The following RBFOX1 variants were observed in gnomAD, a reference collection of about 807,000 sequenced individuals.
RBFOX1 encodes the protein RNA binding fox-1 homolog 1, also known as RNA binding protein fox-1 homolog 1.
In RBFOX1, 8 loss-of-function variants were observed where a neutral mutation model predicts 57.7. That is an observed-to-expected ratio of 0.14 (90% CI 0.08 to 0.25). The LOEUF (loss-of-function observed/expected upper bound fraction) is 0.25, where lower values mean the gene tolerates loss of function less well. RBFOX1 is among the 10% of genes least tolerant of loss of function. The pLI is 1.00. For synonymous variants in RBFOX1, 326 were observed against 222.4 expected (o/e 1.47, Z -4.15); for missense variants, 611 against 548.5 (o/e 1.11, Z -1.14).
chr16:6,623,750 C>A (rs1246635223), intron 2 of RBFOX1, among the ~76,000 whole-genome samples: 1 of 152,106 alleles, frequency 6.6e-6, no homozygotes, highest in Non-Finnish European at 1.5e-5. Flanking sequence ...CAGCTTCATC[C>A]ATGTCCCTAC....
intron 3 of RBFOX1, among the ~76,000 whole-genome samples, chr16:5,816,019 G>A (rs902369343): frequency 1.3e-5 from 2 of 152,180 alleles, no homozygotes; most frequent in Non-Finnish European, 2.9e-5. Flanking sequence ...GGGTTGAGAG[G>A]GGCCCAGTAA....
intron 3 of RBFOX1, among the ~76,000 whole-genome samples, chr16:7,034,316 A>T (rs191890073): frequency 6.6e-6 from 1 of 152,168 alleles, no homozygotes; most frequent in African/African-American, 2.4e-5. Flanking sequence ...TCACTGTAGG[A>T]TGAAGGCAGA....
intron 15 of RBFOX1, 73 bp from the exon 16 acceptor site, chr16:7,710,550 T>C (rs2083855954): frequency 6.3e-7 from 1 of 1,591,648 alleles, no homozygotes; most frequent in African/African-American, 1.4e-5. Flanking sequence ...TTTTTCACAT[T>C]AGTCTTTTTG....
chr16:5,337,589 T>A (rs915511704), intron 1 of RBFOX1, among the ~76,000 whole-genome samples: 1 of 152,254 alleles, frequency 6.6e-6, no homozygotes, highest in African/African-American at 2.4e-5. Flanking sequence ...ATAAATGTTT[T>A]TAAAAATAAA....
chr16:7,197,998 C>CTTTCTTT (rs61556349), intron 4 of RBFOX1, among the ~76,000 whole-genome samples: 9 of 55,594 alleles, frequency 1.6e-4, no homozygotes, highest in Admixed American at 5.4e-4. Context: ...TTCTTTCTTT[C>CTTTCTTT]TTTTTTTTTT....
At chr16:6,032,144 G>T (rs1459682973) in intron 1 of RBFOX1, among the ~76,000 whole-genome samples, 1 of 151,670 alleles carries the variant, frequency 6.6e-6, no homozygotes, top group Non-Finnish European at 1.5e-5. Flanking sequence ...TTTTATCCGT[G>T]CTTTCAATTC....
intron 4 of RBFOX1, among the ~76,000 whole-genome samples, chr16:7,450,544 A>G (rs1458016234): frequency 1.3e-5 from 2 of 152,246 alleles, no homozygotes; most frequent in East Asian, 1.9e-4. Flanking sequence ...ACAGATGAAG[A>G]TACTATGGCC....
chr16:7,577,992 G>A (rs11077199), intron 5 of RBFOX1, among the ~76,000 whole-genome samples: 45,941 of 152,202 alleles, frequency 0.3, 8,623 homozygotes, highest in East Asian at 0.53. Context: ...CATGTGACAA[G>A]GAGGGCTGAT....
At chr16:6,514,153 GC>G (rs1388535380) in intron 2 of RBFOX1, among the ~76,000 whole-genome samples, 6 of 152,104 alleles carry the variant, frequency 3.9e-5, no homozygotes, top group African/African-American at 1.4e-4. Flanking sequence ...TCCATCCAGT[GC>G]TCTTTCTGCT....
intron 1 of RBFOX1, chr16:5,366,105 G>C (rs1483659643): frequency 4.3e-6 from 2 of 463,280 alleles, no homozygotes; most frequent in African/African-American, 4.0e-5. Flanking sequence ...GTTGAAGTGT[G>C]GTTCAGGGCG....
intron 4 of RBFOX1, among the ~76,000 whole-genome samples, chr16:7,320,944 G>T (rs187846189): frequency 1.8e-4 from 28 of 152,192 alleles, no homozygotes; most frequent in Non-Finnish European, 3.5e-4. Context: ...CCCAAATTTG[G>T]ACCCAAACTT....
At chr16:7,310,005 C>G (rs1482164246) in intron 4 of RBFOX1, among the ~76,000 whole-genome samples, 2 of 152,224 alleles carry the variant, frequency 1.3e-5, no homozygotes, top group African/African-American at 4.8e-5. Flanking sequence ...CAAGAGAACT[C>G]TGCCGGGCTG....
chr16:6,016,227 G>C (rs906357977), upstream of RBFOX1, among the ~76,000 whole-genome samples: 3 of 152,198 alleles, frequency 2.0e-5, no homozygotes, highest in African/African-American at 4.8e-5. Flanking sequence ...GGAGGTGTTA[G>C]AGGAGTTCGC....
At chr16:7,207,195 G>A (rs556235365) in intron 4 of RBFOX1, among the ~76,000 whole-genome samples, 1 of 152,146 alleles carries the variant, frequency 6.6e-6, no homozygotes, top group African/African-American at 2.4e-5. Context: ...CATTACCTTT[G>A]TGTCTTCCGT....
intron 3 of RBFOX1, among the ~76,000 whole-genome samples, chr16:6,658,217 A>G (rs935641188): frequency 6.6e-6 from 1 of 151,838 alleles, no homozygotes; most frequent in African/African-American, 2.4e-5. Context: ...TAAACTGTGA[A>G]TTTCAACAGT....
chr16:6,830,558 G>T (rs1253565744), intron 3 of RBFOX1, among the ~76,000 whole-genome samples: 2 of 152,114 alleles, frequency 1.3e-5, no homozygotes, highest in Non-Finnish European at 2.9e-5. Flanking sequence ...AGGCATTCTG[G>T]TTTGTCAGAA....
Position 5,900,678 on chromosome 16 carries a change from C to G in RBFOX1, c.351+33343C>G, listed in dbSNP as rs191739118. ...AGGAGCTAATAGGACAAAAACAAATCGCAGCTCTCCAGCAAGTCATGCGGG... is the reference window on the plus strand; with the variant it reads ...AGGAGCTAATAGGACAAAAACAAATGGCAGCTCTCCAGCAAGTCATGCGGG... On this transcript the variant is annotated intron_variant, in intron 4 of 19. Coordinates refer to the RBFOX1 transcript ENST00000641259. Among the ~76,000 whole-genome samples the G allele has an allele frequency of 8.9e-4, 136 of 152,262 alleles. 3 individuals carry two copies. In the South Asian group the frequency reaches 1.0e-2, roughly 11 times the overall value.
At chr16:6,817,835 C>G (rs1416020967) in intron 3 of RBFOX1, among the ~76,000 whole-genome samples, 2 of 152,122 alleles carry the variant, frequency 1.3e-5, no homozygotes, top group African/African-American at 2.4e-5. Context: ...CATGAAGTCC[C>G]CTGTGAATGT....
chr16:6,799,879 G>C (rs1216560229), intron 3 of RBFOX1, among the ~76,000 whole-genome samples: 1 of 152,164 alleles, frequency 6.6e-6, no homozygotes, highest in African/African-American at 2.4e-5. Flanking sequence ...GGGACTCGGA[G>C]TGAGTCATTA....
Sources: allele counts gnomAD v4.1 joint callset (sites outside exome capture counted in the v4.1 genomes callset), GRCh38; gene constraint gnomAD v4.1.1; transcripts MANE v1.5; gene names NCBI Gene and HGNC (gene_info 2026-07-23, HGNC 2026-07-21).